Variants in FNDC3B observed in about 807,000 individuals in gnomAD.
The protein encoded by FNDC3B is fibronectin type III domain containing 3B.
A neutral mutation model predicts 151.5 loss-of-function variants in FNDC3B; 12 were observed. The ratio of observed to expected loss-of-function variants is 0.08; its 90% confidence interval spans 0.05 to 0.13. FNDC3B has a LOEUF of 0.13. Ranked by LOEUF, FNDC3B falls within the 10% of genes least tolerant of loss-of-function variation. The pLI is 1.00. For missense variants in FNDC3B, 1,214 were observed against 1,505.3 expected, an observed-to-expected ratio of 0.81 and a Z score of 3.20; for synonymous variants, 528 against 549.0, an observed-to-expected ratio of 0.96 and a Z score of 0.54.
intron 6 of FNDC3B, among the ~76,000 whole-genome samples, chr3:172,253,664 A>G (rs75599617): frequency 0.012 from 1,809 of 152,334 alleles, 41 homozygotes; most frequent in African/African-American, 0.041. Context: ...GGTTTGCACA[A>G]GAGTAGAATA....
chr3:172,167,289 G>A (rs867219504), intron 3 of FNDC3B, among the ~76,000 whole-genome samples: 9 of 152,132 alleles, frequency 5.9e-5, no homozygotes, highest in Non-Finnish European at 8.8e-5. Flanking sequence ...CTAGCTACTC[G>A]GGAGGCTGAG....
chr3:172,068,559 G>T (rs1717618540), intron 1 of FNDC3B, among the ~76,000 whole-genome samples: 1 of 151,830 alleles, frequency 6.6e-6, no homozygotes. Context: ...GAGTGGCTGG[G>T]ATCACAGGCT....
chr3:172,070,128 T>A (rs1717694742), intron 1 of FNDC3B, among the ~76,000 whole-genome samples: 1 of 152,200 alleles, frequency 6.6e-6, no homozygotes, highest in African/African-American at 2.4e-5. Flanking sequence ...AACCTCTAAT[T>A]GAAAATCTGT....
At chr3:172,201,410 T>C (rs576107541) in intron 3 of FNDC3B, among the ~76,000 whole-genome samples, 1 of 152,270 alleles carries the variant, frequency 6.6e-6, no homozygotes, top group East Asian at 1.9e-4. Context: ...ATTAGGGACA[T>C]GGGATATGCG....
intron 3 of FNDC3B, among the ~76,000 whole-genome samples, chr3:172,208,842 G>A (rs1000077532): frequency 1.3e-5 from 2 of 152,174 alleles, no homozygotes; most frequent in African/African-American, 4.8e-5. Context: ...TGCACAGCTA[G>A]GCATTCTGGC....
rs139077365 is a variant in FNDC3B at position 172,207,609 on chromosome 3, G to A, written c.188-19262G>A. On this transcript the variant is annotated intron_variant, in intron 3 of 25. Coordinates refer to ENST00000415807, the MANE Select transcript of FNDC3B (RefSeq NM_022763.4). ...CTGATTGGTCCATGGGCGGCCATGG[G>A]CGGGGCCTGGAAAAAGTATCATCCA... Among the ~76,000 whole-genome samples, 614 of 152,328 alleles carry A rather than the reference G, an allele frequency of 4.0e-3. 3 individuals carry two copies. The highest frequency in any genetic ancestry group is 0.014 in the African/African-American group (581 of 41,558).
intron 3 of FNDC3B, among the ~76,000 whole-genome samples, chr3:172,157,808 G>T (rs1032136339): frequency 1.3e-5 from 2 of 152,188 alleles, no homozygotes; most frequent in Non-Finnish European, 2.9e-5. Context: ...GGCTTTGCTT[G>T]AACATGACTT....
chr3:172,156,443 CAT>C (rs2108610350), intron 3 of FNDC3B, among the ~76,000 whole-genome samples: 1 of 152,338 alleles, frequency 6.6e-6, no homozygotes, highest in African/African-American at 2.4e-5. Flanking sequence ...GTGCGCAAGA[CAT>C]AGCCAGGCAG....
At chr3:172,059,610 T>C (rs1442202116) in intron 1 of FNDC3B, among the ~76,000 whole-genome samples, 1 of 152,198 alleles carries the variant, frequency 6.6e-6, no homozygotes, top group Non-Finnish European at 1.5e-5. Flanking sequence ...TTGAAATTTA[T>C]CTAGTATACT....
intron 25 of FNDC3B, among the ~76,000 whole-genome samples, chr3:172,381,555 T>C (rs1735438220): frequency 6.6e-6 from 1 of 152,066 alleles, no homozygotes; most frequent in Admixed American, 6.5e-5. Flanking sequence ...TGTGCCATGG[T>C]AGTTTGCTGC....
At chr3:172,162,451 A>G (rs1231623836) in intron 3 of FNDC3B, among the ~76,000 whole-genome samples, 1 of 152,066 alleles carries the variant, frequency 6.6e-6, no homozygotes, top group Non-Finnish European at 1.5e-5. Flanking sequence ...ATGAGCATTT[A>G]TGTGCAAGTT....
intron 7 of FNDC3B, among the ~76,000 whole-genome samples, chr3:172,286,721 G>A (rs1391164302): frequency 6.6e-6 from 1 of 152,190 alleles, no homozygotes; most frequent in Non-Finnish European, 1.5e-5. Context: ...GAGGAGTGGG[G>A]TGTTGCCGTT....
At chr3:172,081,161 G>C (rs995753004) in intron 1 of FNDC3B, among the ~76,000 whole-genome samples, 1 of 152,190 alleles carries the variant, frequency 6.6e-6, no homozygotes, top group Non-Finnish European at 1.5e-5. Flanking sequence ...ATTGGCACTA[G>C]TGGTTTACAG....
At chr3:172,118,172 A>G (rs1393902280) in intron 2 of FNDC3B, among the ~76,000 whole-genome samples, 2 of 152,210 alleles carry the variant, frequency 1.3e-5, no homozygotes, top group African/African-American at 4.8e-5. Flanking sequence ...TGTTCAACAT[A>G]TTAAAGCTTT....
intron 1 of FNDC3B, among the ~76,000 whole-genome samples, chr3:172,067,549 T>A (rs1241513526): frequency 6.6e-6 from 1 of 152,222 alleles, no homozygotes; most frequent in Non-Finnish European, 1.5e-5. Context: ...TCTTAGTGTT[T>A]TATGTTTCTT....
At chr3:172,055,249 A>G (rs527248535) in intron 1 of FNDC3B, among the ~76,000 whole-genome samples, 5 of 152,314 alleles carry the variant, frequency 3.3e-5, no homozygotes, top group Non-Finnish European at 7.4e-5. Flanking sequence ...TTAGCAATAC[A>G]TATCTTAATG....
intron 1 of FNDC3B, among the ~76,000 whole-genome samples, chr3:172,070,223 G>A (rs1028958921): frequency 6.6e-6 from 1 of 152,166 alleles, no homozygotes; most frequent in Non-Finnish European, 1.5e-5. Flanking sequence ...GTTATTAGGG[G>A]ATTAAATCAT....
intron 3 of FNDC3B, among the ~76,000 whole-genome samples, chr3:172,182,085 C>T (rs1723943495): frequency 6.6e-6 from 1 of 152,096 alleles, no homozygotes; most frequent in African/African-American, 2.4e-5. Flanking sequence ...ACTGCTATGC[C>T]CAGGACATCA....
intron 10 of FNDC3B, 133 bp from the exon 11 acceptor site, chr3:172,310,695 A>G: frequency 2.7e-6 from 2 of 731,672 alleles, no homozygotes; most frequent in East Asian, 5.0e-5. Context: ...CAAGGAACGC[A>G]GGAACCATCA....
Sources: allele counts gnomAD v4.1 joint callset (sites outside exome capture counted in the v4.1 genomes callset), GRCh38; gene constraint gnomAD v4.1.1; transcripts MANE v1.5; gene names NCBI Gene and HGNC (gene_info 2026-07-23, HGNC 2026-07-21).